The following ANKFY1 variants were observed in gnomAD, a reference collection of about 807,000 sequenced individuals.
ANKFY1 encodes ankyrin repeat and FYVE domain containing 1.
A neutral mutation model predicts 128.3 loss-of-function variants in ANKFY1; 47 were observed. That is an observed-to-expected ratio of 0.37 (90% CI 0.29 to 0.47). The LOEUF is 0.47. Among genes scored for constraint, ANKFY1 ranks in the 20% least tolerant of loss-of-function variants. The pLI, the probability that ANKFY1 is intolerant of heterozygous loss-of-function variation, is 1.00. For synonymous variants in ANKFY1, 553 were observed against 601.6 expected (o/e 0.92, Z 1.18); for missense variants, 1,222 against 1,510.6 (o/e 0.81, Z 3.17).
At chr17:4,239,951 T>G (rs1222640271) in intron 2 of ANKFY1, among the ~76,000 whole-genome samples, 1 of 152,170 alleles carries the variant, frequency 6.6e-6, no homozygotes, top group Non-Finnish European at 1.5e-5. Context: ...CTTTGCCACA[T>G]CCAGCACCCC....
At chr17:4,193,999 C>T (rs1163781021) in intron 10 of ANKFY1, among the ~76,000 whole-genome samples, 1 of 151,006 alleles carries the variant, frequency 6.6e-6, no homozygotes, top group Non-Finnish European at 1.5e-5. Context: ...CTCAGGTGAT[C>T]CACCGGCCTC....
intron 2 of ANKFY1, among the ~76,000 whole-genome samples, chr17:4,239,368 A>G (rs1967084055): frequency 6.6e-6 from 1 of 152,208 alleles, no homozygotes; most frequent in Admixed American, 6.5e-5. Flanking sequence ...GAGGAAAAAA[A>G]AGACGATGGA....
chr17:4,203,393 A>G (rs1323185974), intron 7 of ANKFY1, among the ~76,000 whole-genome samples: 2 of 152,210 alleles, frequency 1.3e-5, no homozygotes, highest in Non-Finnish European at 2.9e-5. Context: ...ATTTCTTTCA[A>G]TGCAGCTTCT....
intron 6 of ANKFY1, among the ~76,000 whole-genome samples, chr17:4,207,393 C>G (rs1668102091): frequency 1.3e-5 from 2 of 152,144 alleles, no homozygotes; most frequent in Admixed American, 6.6e-5. Context: ...GGGAATGGCC[C>G]TCGGCTGACA....
intron 1 of ANKFY1, among the ~76,000 whole-genome samples, chr17:4,245,262 A>C (rs1967473053): frequency 6.6e-6 from 1 of 152,032 alleles, no homozygotes; most frequent in Non-Finnish European, 1.5e-5. Context: ...AGCTCATCAC[A>C]GCCTCAAACT....
chr17:4,211,391 G>A (rs1467464564), intron 4 of ANKFY1, among the ~76,000 whole-genome samples: 16 of 131,938 alleles, frequency 1.2e-4, no homozygotes, highest in African/African-American at 3.7e-4. Context: ...AGCAAGACTC[G>A]TCTCAAAAAA....
intron 3 of ANKFY1, chr17:4,222,383 T>G: frequency 1.3e-6 from 1 of 785,326 alleles, no homozygotes; most frequent in East Asian, 2.4e-5. Context: ...AATCTGTTAG[T>G]ACCCAGTGAG....
At chr17:4,223,433 T>C in intron 3 of ANKFY1, 1 of 1,324,754 alleles carries the variant, frequency 7.5e-7, no homozygotes, top group Non-Finnish European at 1.1e-6. Flanking sequence ...TGCTAGGAAC[T>C]GTATCACTGA....
chr17:4,222,338 C>T (rs927279376), intron 3 of ANKFY1: 6 of 748,286 alleles, frequency 8.0e-6, no homozygotes, highest in Non-Finnish European at 1.5e-5. Context: ...TATTATGTGA[C>T]AAATGACCTT....
At chr17:4,256,546 G>A (rs1205445550) in intron 1 of ANKFY1, among the ~76,000 whole-genome samples, 3 of 152,152 alleles carry the variant, frequency 2.0e-5, no homozygotes, top group Admixed American at 1.3e-4. Context: ...ACAGCATCCG[G>A]GGGATTTGGT....
rs113367578 is a variant in ANKFY1, at chr17:4,164,018, C to T, written c.*3761G>A. 3.9e-5 allele frequency: 6 copies of T among 152,650 alleles called. No homozygotes were observed. Among genetic ancestry groups the T allele is most frequent in the East Asian group, 3.8e-4 (2 of 5,196 alleles). The allele number at this position is 152,650 out of a possible 1,614,324, so 9.5% of individuals were successfully genotyped here. ...CCAAAGAAACAATGCTGATAAGCGC[C>T]GTGGTCCTCTATGATACCATCACCC... On this transcript the variant is annotated 3_prime_UTR_variant, in exon 25 of 25. Coordinates refer to ENST00000341657, the MANE Select transcript of ANKFY1 (RefSeq NM_001330063.2).
intron 3 of ANKFY1, among the ~76,000 whole-genome samples, chr17:4,219,965 T>G (rs1339080980): frequency 6.6e-6 from 1 of 152,018 alleles, no homozygotes; most frequent in Non-Finnish European, 1.5e-5. Flanking sequence ...TGGGATTACA[T>G]GTGCCTGCTG....
At chr17:4,201,389 C>T (rs973817689) in intron 7 of ANKFY1, among the ~76,000 whole-genome samples, 3 of 152,118 alleles carry the variant, frequency 2.0e-5, no homozygotes, top group Non-Finnish European at 4.4e-5. Flanking sequence ...AAGAGACCAT[C>T]TTGCTAGAGA....
intron 4 of ANKFY1, among the ~76,000 whole-genome samples, 177 bp from the exon 5 acceptor site, chr17:4,210,124 G>C (rs1344887037): frequency 6.6e-6 from 1 of 152,158 alleles, no homozygotes; most frequent in Non-Finnish European, 1.5e-5. Flanking sequence ...AAAAGTACTA[G>C]AATTTCATTA....
rs1259955113 is a variant in ANKFY1 at position 4,170,344 on chromosome 17, T to C, written c.3286+371A>G. Among the ~76,000 whole-genome samples, 10 of 152,118 alleles carry C rather than the reference T, an allele frequency of 6.6e-5. 1 individual carries two copies. Among genetic ancestry groups the C allele is most frequent in the Admixed American group, 5.9e-4 (9 of 15,284 alleles). ...AGGGTCACAGGGGAAGGAGAGCTGA[T>C]AGGGGCTGGAGCAGCAGGCCATTTT... On this transcript the variant is annotated intron_variant, in intron 23 of 24. Transcript: ENST00000341657.
At chr17:4,236,651 C>T (rs548881427) in intron 2 of ANKFY1, among the ~76,000 whole-genome samples, 16 of 152,238 alleles carry the variant, frequency 1.1e-4, no homozygotes, top group Middle Eastern at 3.4e-3. Flanking sequence ...GAACACATGC[C>T]GTATGGCTAT....
chr17:4,209,956 G>A lies in ANKFY1; in HGVS notation c.459-9C>T. The A allele has an allele frequency of 6.2e-7, 1 of 1,606,104 alleles. No individual in the cohort carries two copies. Among genetic ancestry groups the A allele is most frequent in the Admixed American group, 1.7e-5 (1 of 59,836 alleles). ...TAACACCCTTCTCACATCTGTAAGA[G>A]AGTATTCATCATGAGGAGTATTACT... On this transcript the variant is annotated splice_polypyrimidine_tract_variant and intron_variant, in intron 4 of 24. Coordinates refer to ENST00000341657, the MANE Select transcript of ANKFY1 (RefSeq NM_001330063.2).
intron 3 of ANKFY1, among the ~76,000 whole-genome samples, chr17:4,227,541 AACCT>A (rs2060445366): frequency 6.6e-6 from 1 of 152,198 alleles, no homozygotes. Context: ...ATCCAAGAAA[AACCT>A]ACAACTAATC....
chr17:4,253,856 T>C (rs1236758341), intron 1 of ANKFY1, among the ~76,000 whole-genome samples: 3 of 152,154 alleles, frequency 2.0e-5, no homozygotes, highest in Admixed American at 6.6e-5. Context: ...TTACCTACCA[T>C]GGCAGGCAGA....
Sources: gnomAD v4.1 joint callset for allele counts (sites outside exome capture counted in the v4.1 genomes callset) on GRCh38, gnomAD v4.1.1 for gene constraint, MANE v1.5 for transcripts, NCBI Gene and HGNC (gene_info 2026-07-23, HGNC 2026-07-21) for gene names.